The following NINJ2 variants were observed in gnomAD, a reference collection of about 807,000 sequenced individuals.
NINJ2 encodes the protein ninjurin 2, also known as ninjurin-2.
Under a neutral mutation model 11.7 loss-of-function variants are expected in NINJ2, and 12 were observed. That is an observed-to-expected ratio of 1.02 (90% CI 0.66 to 1.66). NINJ2 has a LOEUF of 1.66. NINJ2 is among the 40% of genes most tolerant of loss of function. The pLI, the probability that NINJ2 is intolerant of heterozygous loss-of-function variation, is 0.00. For missense variants in NINJ2, 187 were observed against 181.8 expected, an observed-to-expected ratio of 1.03 and a Z score of -0.16; for synonymous variants, 93 against 76.8, an observed-to-expected ratio of 1.21 and a Z score of -1.10.
At chr12:629,914 T>TATATATATATATATATATAC in intron 1 of NINJ2, among the ~76,000 whole-genome samples, 1 of 64,712 alleles carries the variant, frequency 1.5e-5, no homozygotes, top group Non-Finnish European at 3.4e-5. Context: ...TATATATATA[T>TATATATATATATATATATAC]ATATATATGA....
rs1179186409 is a variant in NINJ2 at position 629,881 on chromosome 12, C to CAAAAAAAAAAAAAAAAAAAAAAAAA, written c.33+33446_33+33447insTTTTTTTTTTTTTTTTTTTTTTTTT. ...CAGCCTCGGCGACAAGAGCAAAACT[C>CAAAAAAAAAAAAAAAAAAAAAAAAA]AAAAAAAAAAAAAAAATATATATAT... On this transcript the variant is annotated intron_variant, in intron 1 of 3. Coordinates refer to ENST00000305108, the MANE Select transcript of NINJ2 (RefSeq NM_016533.6). 5.9e-4 allele frequency among the ~76,000 whole-genome samples: 2 copies of CAAAAAAAAAAAAAAAAAAAAAAAAA among 3,368 alleles called. 1 individual carries two copies. Among genetic ancestry groups the CAAAAAAAAAAAAAAAAAAAAAAAAA allele is most frequent in the Admixed American group, 0.029 (2 of 70 alleles). The allele number at this position is 3,368 out of a possible 152,430, so 2.2% of individuals were successfully genotyped here.
At chr12:600,229 A>G (rs926788228) in intron 1 of NINJ2, among the ~76,000 whole-genome samples, 8 of 152,110 alleles carry the variant, frequency 5.3e-5, no homozygotes, top group Admixed American at 4.6e-4. Context: ...GGTGGTCAAG[A>G]TAACGAGGGA....
intron 1 of NINJ2, among the ~76,000 whole-genome samples, chr12:583,758 C>T (rs1178063908): frequency 6.6e-6 from 1 of 152,190 alleles, no homozygotes. Flanking sequence ...TGAGTGGCAG[C>T]CTGGCTTGAG....
chr12:584,535 G>A (rs1446892523), intron 1 of NINJ2, among the ~76,000 whole-genome samples: 1 of 152,160 alleles, frequency 6.6e-6, no homozygotes, highest in African/African-American at 2.4e-5. Context: ...GCCGAGCATG[G>A]TGGCACCCGC....
At chr12:617,745 C>G (rs1189367847) in intron 1 of NINJ2, among the ~76,000 whole-genome samples, 1 of 152,136 alleles carries the variant, frequency 6.6e-6, no homozygotes, top group African/African-American at 2.4e-5. Flanking sequence ...TCTCAGCTCT[C>G]TTTGTTTAGC....
chr12:622,124 A>G (rs1263657378), intron 1 of NINJ2, among the ~76,000 whole-genome samples: 9 of 49,394 alleles, frequency 1.8e-4, no homozygotes, highest in African/African-American at 3.9e-4. Context: ...TGTGTCGGGA[A>G]AAAAAAAAAA....
At position 655,172 on chromosome 12, in the gene NINJ2, C is replaced by T. The variant is rs1208537808; in HGVS notation, c.33+8156G>A. ...AGATTAGAAACAGGCAAGGATGTCT[C>T]CTGTCACCACTGCTTCATACATTGA... is the stretch of plus-strand genomic sequence containing the variant. On this transcript the variant is annotated intron_variant, in intron 1 of 3. Transcript: ENST00000305108. 1.3e-5 allele frequency among the ~76,000 whole-genome samples: 2 copies of T among 152,162 alleles called. 1 individual carries two copies. The highest frequency in any genetic ancestry group is 4.8e-5 in the African/African-American group (2 of 41,424).
chr12:656,177 A>C (rs976623791), intron 1 of NINJ2, among the ~76,000 whole-genome samples: 5 of 151,828 alleles, frequency 3.3e-5, no homozygotes, highest in African/African-American at 1.2e-4. Flanking sequence ...ATCCTGGCCA[A>C]CATGGTGAAA....
At chr12:617,477 G>A (rs1388169489) in intron 1 of NINJ2, among the ~76,000 whole-genome samples, 2 of 152,186 alleles carry the variant, frequency 1.3e-5, no homozygotes, top group African/African-American at 4.8e-5. Flanking sequence ...AGCTGATGAG[G>A]CAAGTGTCCT....
rs1370300787 is a variant in NINJ2 at position 633,618 on chromosome 12, C to T, written c.33+29710G>A. Among the ~76,000 whole-genome samples, 1 of 152,190 alleles carries T rather than the reference C, an allele frequency of 6.6e-6. No individual in the cohort carries two copies. The highest frequency in any genetic ancestry group is 1.5e-5 in the Non-Finnish European group (1 of 68,040). On this transcript the variant is annotated intron_variant, in intron 1 of 3. Coordinates refer to ENST00000305108, the MANE Select transcript of NINJ2 (RefSeq NM_016533.6). This position sits in a 1 kb window ranked among gnomAD's most constrained non-coding sequence, Gnocchi z 4.3. Reference sequence around the variant, plus strand: ...ATCACTTGAGGCCAGGAGTTCAAGACCAGCCTGGCCAACACGGCAAAATCC... The same window carrying T: ...ATCACTTGAGGCCAGGAGTTCAAGATCAGCCTGGCCAACACGGCAAAATCC...
chr12:623,631 G>T (rs1307215206), intron 1 of NINJ2, among the ~76,000 whole-genome samples: 1 of 152,248 alleles, frequency 6.6e-6, no homozygotes, highest in African/African-American at 2.4e-5. Context: ...AGGCTAGGAA[G>T]GGATCTGGGG....
intron 3 of NINJ2, 80 bp downstream of exon 3, chr12:565,137 T>C: frequency 8.3e-7 from 1 of 1,198,708 alleles, no homozygotes; most frequent in Non-Finnish European, 1.1e-6. Flanking sequence ...AGGGATCTGT[T>C]TCTTGCCCCA....
chr12:611,005 G>A (rs111591888), intron 1 of NINJ2, among the ~76,000 whole-genome samples: 1 of 152,084 alleles, frequency 6.6e-6, no homozygotes, highest in African/African-American at 2.4e-5. Context: ...AAAATGCTGG[G>A]ATTACAGGCA....
chr12:616,499 C>T (rs372335306), intron 1 of NINJ2, among the ~76,000 whole-genome samples: 3 of 152,302 alleles, frequency 2.0e-5, no homozygotes, highest in Non-Finnish European at 2.9e-5. Context: ...GGAATCTAGA[C>T]GATCATCTGT....
intron 1 of NINJ2, among the ~76,000 whole-genome samples, chr12:648,996 G>A (rs4980958): frequency 0.04 from 5,922 of 148,958 alleles, 160 homozygotes; most frequent in East Asian, 0.15. Flanking sequence ...CTATCTATCT[G>A]TCTATCTATC....
intron 1 of NINJ2, among the ~76,000 whole-genome samples, chr12:596,704 CTGGAGGCCAGGAGT>C (rs1241646155): frequency 2.6e-5 from 4 of 152,134 alleles, no homozygotes; most frequent in African/African-American, 4.8e-5. Context: ...AGGGGCATCC[CTGGAGGCCAGGAGT>C]TGGAGACCAG....
At chr12:627,414 A>C (rs750539565) in intron 1 of NINJ2, among the ~76,000 whole-genome samples, 1 of 152,208 alleles carries the variant, frequency 6.6e-6, no homozygotes, top group Admixed American at 6.5e-5. Context: ...TAAATGAATG[A>C]AATAGAGAAC....
At chr12:650,824 C>T (rs1034941420) in intron 1 of NINJ2, among the ~76,000 whole-genome samples, 2 of 152,142 alleles carry the variant, frequency 1.3e-5, no homozygotes, top group African/African-American at 2.4e-5. Context: ...CCACTCTATC[C>T]TAACGAGTAA....
intron 1 of NINJ2, among the ~76,000 whole-genome samples, chr12:577,437 A>ATGTGTATATATATATATACATATATATG (rs1172123837): frequency 1.4e-5 from 2 of 138,620 alleles, no homozygotes; most frequent in African/African-American, 5.3e-5. Context: ...ATACATATAT[A>ATGTGTATATATATATATACATATATATG]TATATAAATA....
Sources: gnomAD v4.1 joint callset for allele counts (sites outside exome capture counted in the v4.1 genomes callset) on GRCh38, gnomAD v4.1.1 for gene constraint, Gnocchi (gnomAD v3.1) non-coding constraint, MANE v1.5 for transcripts, NCBI Gene and HGNC (gene_info 2026-07-23, HGNC 2026-07-21) for gene names.